Variants in DDX6 observed in about 807,000 individuals in gnomAD.
DDX6 encodes DEAD-box helicase 6.
In DDX6, 7 loss-of-function variants were observed where a neutral mutation model predicts 60.6. That is an observed-to-expected ratio of 0.12 (90% CI 0.07 to 0.22). The LOEUF is 0.22. DDX6 is among the 10% of genes least tolerant of loss of function. The pLI is 1.00. For missense variants in DDX6, 270 were observed against 589.9 expected (o/e 0.46, Z 5.62); for synonymous variants, 207 against 201.0 (o/e 1.03, Z -0.25).
intron 2 of DDX6, among the ~76,000 whole-genome samples, chr11:118,785,195 TA>T (rs1180525023): frequency 3.3e-5 from 5 of 152,314 alleles, no homozygotes; most frequent in African/African-American, 1.2e-4. Context: ...ACTATGCACT[TA>T]AAAGTAACAA....
At chr11:118,760,070 T>C (rs1861111866) in intron 7 of DDX6, 26 bp from the exon 8 acceptor site, 4 of 1,602,708 alleles carry the variant, frequency 2.5e-6, no homozygotes, top group Non-Finnish European at 3.4e-6. Context: ...AAGACAATTT[T>C]AAAAACAATA....
chr11:118,758,698 G>A, intron 9 of DDX6, 76 bp downstream of exon 9: 1 of 1,558,858 alleles, frequency 6.4e-7, no homozygotes, highest in South Asian at 1.2e-5. Flanking sequence ...AGTGAAGACG[G>A]TGGGAAAATT....
At chr11:118,765,072 G>A in intron 6 of DDX6, 137 bp downstream of exon 6, 1 of 973,166 alleles carries the variant, frequency 1.0e-6, no homozygotes, top group Non-Finnish European at 1.5e-6. Context: ...TTTTTCGCTT[G>A]AATGCAGTGG....
chr11:118,774,942 T>C (rs374187987), intron 4 of DDX6, among the ~76,000 whole-genome samples: 2 of 152,118 alleles, frequency 1.3e-5, no homozygotes, highest in East Asian at 1.9e-4. Flanking sequence ...ATGGAAAGAA[T>C]ACTAGAAGAC....
At chr11:118,767,868 G>A (rs535414462) in intron 5 of DDX6, 122 of 167,444 alleles carry the variant, frequency 7.3e-4, no homozygotes, top group African/African-American at 2.7e-3. Flanking sequence ...TCTGGCCTCA[G>A]GTGATCCACC....
chr11:118,760,284 C>T (rs564356674), intron 7 of DDX6, among the ~76,000 whole-genome samples: 2 of 152,252 alleles, frequency 1.3e-5, no homozygotes, highest in East Asian at 3.9e-4. Flanking sequence ...ACCTCCCCCG[C>T]TTTCTGTAAC....
chr11:118,759,831 TATATTCACAG>T, intron 8 of DDX6, 81 bp downstream of exon 8: 1 of 1,361,790 alleles, frequency 7.3e-7, no homozygotes, highest in Admixed American at 2.5e-5. Flanking sequence ...TAGCATAAAG[TATATTCACAG>T]ATATGAAGAT....
chr11:118,776,018 T>C (rs1555163552), intron 4 of DDX6, among the ~76,000 whole-genome samples: 1 of 152,118 alleles, frequency 6.6e-6, no homozygotes, highest in African/African-American at 2.4e-5. Context: ...GTGCTGGTAC[T>C]ACACTATCAT....
At chr11:118,752,473 ATTAT>A (rs2137398025) in intron 13 of DDX6, among the ~76,000 whole-genome samples, 1 of 152,306 alleles carries the variant, frequency 6.6e-6, no homozygotes, top group East Asian at 1.9e-4. Flanking sequence ...TAATTTAAAA[ATTAT>A]TTAAGTAACA....
Position 118,779,727 on chromosome 11 carries a change from A to G in DDX6, c.274T>C (p.Ser92Pro). Residue 92 changes from serine to proline, a missense_variant, in exon 4 of 14, where the codon TCC becomes CCC. Coordinates refer to ENST00000534980, the MANE Select transcript of DDX6 (RefSeq NM_004397.6). ...DLRIKTSDVT[S>P]TKGNEFEDYC... ...TCTTCAAACTCATTTCCTTTTGTGG[A>G]GGTCACATCCTAGTCAAACAAAAAG... 6.2e-7 allele frequency: 1 copy of G among 1,605,746 alleles called. No homozygotes were observed. The highest frequency in any genetic ancestry group is 8.5e-7 in the Non-Finnish European group (1 of 1,175,088).
At chr11:118,783,274 GAATT>G (rs1342353214) in intron 2 of DDX6, among the ~76,000 whole-genome samples, 2 of 152,054 alleles carry the variant, frequency 1.3e-5, no homozygotes, top group Admixed American at 1.3e-4. Flanking sequence ...CCCCAAATCA[GAATT>G]TATTTTTTAT....
intron 13 of DDX6, 24 bp downstream of exon 13, chr11:118,754,681 T>C (rs1555158293): frequency 1.3e-6 from 2 of 1,568,292 alleles, no homozygotes; most frequent in Non-Finnish European, 1.7e-6. Flanking sequence ...AAGGTTCCTC[T>C]TAGCTGTTCT....
chr11:118,781,322 AAAC>A (rs1861892427), intron 2 of DDX6, 138 bp from the exon 3 acceptor site: 1 of 590,912 alleles, frequency 1.7e-6, no homozygotes, highest in South Asian at 2.3e-5. Flanking sequence ...CAAGATAATT[AAAC>A]AACTTTAGAA....
intron 10 of DDX6, 78 bp from the exon 11 acceptor site, chr11:118,756,401 G>A (rs1056331171): frequency 3.0e-5 from 35 of 1,159,672 alleles, no homozygotes; most frequent in South Asian, 9.0e-5. Context: ...TCTCCCAGAC[G>A]ATCAGTTCTA....
At chr11:118,761,590 C>A (rs1413904720) in intron 7 of DDX6, among the ~76,000 whole-genome samples, 1 of 151,694 alleles carries the variant, frequency 6.6e-6, no homozygotes, top group Non-Finnish European at 1.5e-5. Context: ...GCACTCCAAG[C>A]GGGGCAACGA....
rs901764678 is a variant in DDX6, at chr11:118,768,215, C to G, written c.499+8G>C. 1 of 1,611,622 alleles carries G rather than the reference C, an allele frequency of 6.2e-7. No homozygotes were observed. ...TTTAGTTTAAAAACAAACTTTTATTCAACTAACCTTGTATATTGTCCTTCT... is the reference window on the plus strand; with the variant it reads ...TTTAGTTTAAAAACAAACTTTTATTGAACTAACCTTGTATATTGTCCTTCT... On this transcript the variant is annotated splice_region_variant and intron_variant, in intron 5 of 13. Coordinates refer to ENST00000534980, the MANE Select transcript of DDX6 (RefSeq NM_004397.6).
rs1860623253 is a variant in DDX6 at position 118,748,105 on chromosome 11, G to A, written c.*4000C>T. On this transcript the variant is annotated 3_prime_UTR_variant, in exon 14 of 14. Transcript: ENST00000534980. ...TTTCAAAAAAGGGAATAGTGACTTTGTTTTCTCCAGGCTCCCCTTCCCACA... is the reference window on the plus strand; with the variant it reads ...TTTCAAAAAAGGGAATAGTGACTTTATTTTCTCCAGGCTCCCCTTCCCACA... 1 of 152,036 alleles carries A rather than the reference G, an allele frequency of 6.6e-6. No individual in the cohort carries two copies. Among genetic ancestry groups the A allele is most frequent in the African/African-American group, 2.4e-5 (1 of 41,366 alleles). The allele number at this position is 152,036 out of a possible 1,614,324, so 9.4% of individuals were successfully genotyped here. A position where few individuals can be genotyped will look rare whatever the true frequency, so the allele number is the denominator to read the frequency against.
At chr11:118,756,420 C>T in intron 10 of DDX6, 97 bp from the exon 11 acceptor site, 1 of 950,102 alleles carries the variant, frequency 1.1e-6, no homozygotes, top group Non-Finnish European at 1.6e-6. Context: ...TACCCAAAAT[C>T]TGTTTATAAG....
intron 11 of DDX6, among the ~76,000 whole-genome samples, chr11:118,756,015 C>A (rs1209760537): frequency 1.7e-5 from 1 of 57,566 alleles, no homozygotes; most frequent in Non-Finnish European, 3.5e-5. Flanking sequence ...TTCCATCCCC[C>A]TCCCCCCCCC....
Sources: allele counts gnomAD v4.1 joint callset (sites outside exome capture counted in the v4.1 genomes callset), GRCh38; gene constraint gnomAD v4.1.1; transcripts MANE v1.5; gene names NCBI Gene and HGNC (gene_info 2026-07-23, HGNC 2026-07-21).